The following ZNF608 variants were observed in gnomAD, a reference collection of about 807,000 sequenced individuals.
The protein encoded by ZNF608 is zinc finger protein 608, also known as renal carcinoma antigen NY-REN-36.
Under a neutral mutation model 109.0 loss-of-function variants are expected in ZNF608, and 12 were observed. That is an observed-to-expected ratio of 0.11 (90% CI 0.07 to 0.18). The LOEUF (loss-of-function observed/expected upper bound fraction) is 0.18, where lower values mean the gene tolerates loss of function less well. Among genes scored for constraint, ZNF608 ranks in the 10% least tolerant of loss-of-function variants. The pLI is 1.00. For missense variants in ZNF608, 1,707 were observed against 1,879.3 expected (o/e 0.91, Z 1.70); for synonymous variants, 732 against 717.4 (o/e 1.02, Z -0.33).
rs760873013 is a variant in ZNF608 at position 124,647,227 on chromosome 5, C to T, written c.3157G>A (p.Asp1053Asn). The T allele has an allele frequency of 4.3e-6, 7 of 1,614,034 alleles. No homozygotes were observed. The change falls in exon 5 of 10, where the codon GAC (aspartate) becomes AAC (asparagine). Residue 1053 changes from aspartate (D) to asparagine (N), a missense_variant. Around this residue, in one of 7 missense-constraint regions of ZNF608, gnomAD observed 1,073 missense variants for 1,133.5 expected, o/e 0.95. Transcript: ENST00000513986. Reference sequence around the variant, plus strand: ...GGCTGTAAGGATGCAGAATTGTGGTCCACTTTCTTAGAATCTAACTGCTCT... The same window carrying T: ...GGCTGTAAGGATGCAGAATTGTGGTTCACTTTCTTAGAATCTAACTGCTCT... Reference protein sequence around the residue: ...KAEQLDSKKVDHNSASLQPQH... With the variant: ...KAEQLDSKKVNHNSASLQPQH...
chr5:124,707,416 C>G (rs756775196), intron 2 of ZNF608, among the ~76,000 whole-genome samples: 2 of 152,180 alleles, frequency 1.3e-5, no homozygotes, highest in East Asian at 3.9e-4. Flanking sequence ...AGCTTTCTCA[C>G]GTCTATTGCC....
chr5:124,719,314 A>AC (rs1753819805), intron 2 of ZNF608, among the ~76,000 whole-genome samples: 1 of 152,226 alleles, frequency 6.6e-6, no homozygotes, highest in Non-Finnish European at 1.5e-5. Flanking sequence ...ATTTTTGTAA[A>AC]TGATCAGACT....
Position 124,644,644 on chromosome 5 carries a change from T to C in ZNF608, c.3723A>G (p.Thr1241=). 1.3e-6 allele frequency: 2 copies of C among 1,548,372 alleles called. No individual in the cohort carries two copies. Among genetic ancestry groups the C allele is most frequent in the Non-Finnish European group, 1.7e-6 (2 of 1,146,874 alleles). ...TGGGCTGGTATACATAATGATGCCA[T>C]GTTCTTGAATCTGGGTCCTGATTTT... The part of the protein sequence containing the change: ...SRFKQDPDSR[T]WHHYVYQPKY... Residue 1241 remains threonine (T), a synonymous_variant, in exon 6 of 10, where the codon ACA becomes ACG. Transcript: ENST00000513986.
chr5:124,715,343 C>T (rs1358142001), intron 2 of ZNF608, among the ~76,000 whole-genome samples: 3 of 152,282 alleles, frequency 2.0e-5, no homozygotes, highest in Non-Finnish European at 2.9e-5. Context: ...CTTGGCATCA[C>T]GTTTCCAGAA....
intron 3 of ZNF608, among the ~76,000 whole-genome samples, chr5:124,698,302 C>T (rs917822195): frequency 7.9e-5 from 12 of 152,186 alleles, no homozygotes; most frequent in African/African-American, 1.7e-4. Context: ...GCAAATGGAA[C>T]GCTCTTGCAA....
chr5:124,682,217 C>T (rs896016784), intron 3 of ZNF608, among the ~76,000 whole-genome samples: 2 of 152,310 alleles, frequency 1.3e-5, no homozygotes, highest in East Asian at 1.9e-4. Context: ...GGCTTACAAG[C>T]GCCTGCTACC....
intron 2 of ZNF608, among the ~76,000 whole-genome samples, chr5:124,726,942 G>C (rs1240021958): frequency 6.6e-6 from 1 of 152,212 alleles, no homozygotes; most frequent in Non-Finnish European, 1.5e-5. Flanking sequence ...TGGGATTCCG[G>C]GCTTTGGATC....
chr5:124,736,538 C>A (rs1219611976), intron 2 of ZNF608, among the ~76,000 whole-genome samples: 2 of 151,818 alleles, frequency 1.3e-5, no homozygotes, highest in African/African-American at 4.8e-5. Flanking sequence ...ACAAAAGGTA[C>A]TTTTATGCCA....
intron 3 of ZNF608, among the ~76,000 whole-genome samples, chr5:124,661,729 A>G (rs1404501821): frequency 6.6e-6 from 1 of 152,112 alleles, no homozygotes; most frequent in African/African-American, 2.4e-5. Flanking sequence ...CTATTTCTAT[A>G]TACTCTGTGT....
chr5:124,737,766 G>A (rs1321793986), intron 2 of ZNF608, among the ~76,000 whole-genome samples: 1 of 152,174 alleles, frequency 6.6e-6, no homozygotes, highest in Non-Finnish European at 1.5e-5. Flanking sequence ...GCAAGAGGTT[G>A]CATATCCTTT....
At chr5:124,713,992 T>C (rs1299405857) in intron 2 of ZNF608, among the ~76,000 whole-genome samples, 1 of 152,230 alleles carries the variant, frequency 6.6e-6, no homozygotes, top group Non-Finnish European at 1.5e-5. Context: ...ATTCCAGTTC[T>C]AACTTAAGCA....
chr5:124,668,087 C>T (rs1751554092), intron 3 of ZNF608, among the ~76,000 whole-genome samples: 1 of 151,616 alleles, frequency 6.6e-6, no homozygotes, highest in South Asian at 2.1e-4. Flanking sequence ...CATGGTGGCT[C>T]ATGCCTGTAA....
In ZNF608 at chr5:124,644,589, GTTC is replaced by G. The variant is rs932668195; in HGVS notation, c.3775_3777del (p.Glu1259del). The G allele has an allele frequency of 1.9e-5, 30 of 1,613,066 alleles. No individual in the cohort carries two copies. The highest frequency in any genetic ancestry group is 2.5e-5 in the Non-Finnish European group (30 of 1,179,790). Reference sequence around the variant, plus strand: ...TCTTTTAATTTCTTCTCTCTATCAAGTTCTTCTGACTTTTGCTGATCCAGATAT... The same window carrying G: ...TCTTTTAATTTCTTCTCTCTATCAAGTTCTGACTTTTGCTGATCCAGATAT... On this transcript the variant is annotated inframe_deletion, in exon 6 of 10. Transcript: ENST00000513986.
upstream of ZNF608, among the ~76,000 whole-genome samples, chr5:124,747,010 A>C (rs1332274016): frequency 6.6e-6 from 1 of 152,016 alleles, no homozygotes; most frequent in East Asian, 1.9e-4. Flanking sequence ...TCAGTCTTCG[A>C]AACCTAAAGG....
At chr5:124,729,549 G>A (rs923341427) in intron 2 of ZNF608, among the ~76,000 whole-genome samples, 1 of 152,174 alleles carries the variant, frequency 6.6e-6, no homozygotes, top group African/African-American at 2.4e-5. Flanking sequence ...TACTCCTCTT[G>A]TAGGTTGTAT....
intron 2 of ZNF608, among the ~76,000 whole-genome samples, chr5:124,733,655 C>T (rs1469069619): frequency 6.6e-6 from 1 of 152,070 alleles, no homozygotes; most frequent in Non-Finnish European, 1.5e-5. Flanking sequence ...CACTACAGGG[C>T]CACTAATTTT....
At chr5:124,665,218 C>T (rs1301443633) in intron 3 of ZNF608, among the ~76,000 whole-genome samples, 2 of 151,892 alleles carry the variant, frequency 1.3e-5, no homozygotes, top group Non-Finnish European at 2.9e-5. Flanking sequence ...TGACATCACA[C>T]TGGAAACTTG....
chr5:124,690,694 A>C (rs555874654), intron 3 of ZNF608, among the ~76,000 whole-genome samples: 4,428 of 146,516 alleles, frequency 0.03, 200 homozygotes, highest in African/African-American at 0.1. Flanking sequence ...CAAAAACACA[A>C]ACAAAAAAAA....
intron 3 of ZNF608, among the ~76,000 whole-genome samples, chr5:124,660,378 C>T (rs764349151): frequency 2.4e-4 from 36 of 152,162 alleles, no homozygotes; most frequent in Non-Finnish European, 4.7e-4. Flanking sequence ...GGTGAACCTC[C>T]CTGTTCTTCC....
Sources: gnomAD v4.1 joint callset for allele counts (sites outside exome capture counted in the v4.1 genomes callset) on GRCh38, gnomAD v4.1.1 for gene constraint, gnomAD v4.1.1 regional missense constraint, MANE v1.5 for transcripts, NCBI Gene and HGNC (gene_info 2026-07-23, HGNC 2026-07-21) for gene names.